EEA1: variants seen among roughly 807,000 people sequenced by gnomAD.
EEA1 encodes the protein early endosome antigen 1, 162kD.
In EEA1, 111 loss-of-function variants were observed where a neutral mutation model predicts 209.2. The observed-to-expected ratio is 0.53, with a 90% CI of 0.45 to 0.62. The LOEUF (loss-of-function observed/expected upper bound fraction) is 0.62, where lower values mean the gene tolerates loss of function less well. EEA1 is among the 20% of genes least tolerant of loss of function. EEA1 has a pLI of 0.00. For missense variants in EEA1, 1,343 were observed against 1,530.8 expected, an observed-to-expected ratio of 0.88 and a Z score of 2.05; for synonymous variants, 536 against 540.6, an observed-to-expected ratio of 0.99 and a Z score of 0.12.
At chr12:92,839,566 C>T (rs1303497646) in intron 10 of EEA1, among the ~76,000 whole-genome samples, 1 of 152,130 alleles carries the variant, frequency 6.6e-6, no homozygotes, top group Admixed American at 6.5e-5. Context: ...TTAAGCTAGA[C>T]ATTAAAGAGG....
In EEA1 at chr12:92,802,277, CTCA is replaced by C. The variant is rs1874953722; in HGVS notation, c.2670+124_2670+126del. On this transcript the variant is annotated intron_variant, in intron 19 of 28. Coordinates refer to ENST00000322349, the MANE Select transcript of EEA1 (RefSeq NM_003566.4). ...AGGTTAAGCAATCCCAATTAATTTC[CTCA>C]TAAGAACTACTTTAAACTATTTAAA... 4.7e-6 allele frequency: 4 copies of C among 852,330 alleles called. No individual in the cohort carries two copies. In the South Asian group the frequency reaches 8.8e-5, roughly 19 times the overall value. 52.8% of individuals were successfully genotyped at this position (852,330 alleles called of 1,614,324 possible). A position where few individuals can be genotyped will look rare whatever the true frequency, so the allele number is the denominator to read the frequency against.
intron 10 of EEA1, among the ~76,000 whole-genome samples, 167 bp downstream of exon 10, chr12:92,842,297 GA>G (rs1301722403): frequency 1.3e-5 from 2 of 150,434 alleles, no homozygotes; most frequent in African/African-American, 4.9e-5. Flanking sequence ...TTTGCACAAT[GA>G]AAAAAGTTCT....
intron 2 of EEA1, among the ~76,000 whole-genome samples, chr12:92,876,607 A>C (rs1878897822): frequency 6.6e-6 from 1 of 152,080 alleles, no homozygotes; most frequent in Non-Finnish European, 1.5e-5. Context: ...ATGAGAAATA[A>C]ATTTCTGCAG....
In EEA1 at chr12:92,775,629, C is replaced by T. The variant is rs560529288; in HGVS notation, c.*382G>A. 6.4e-6 allele frequency: 1 copy of T among 156,306 alleles called. No individual in the cohort carries two copies. Among genetic ancestry groups the T allele is most frequent in the African/African-American group, 2.4e-5 (1 of 41,680 alleles). The allele number at this position is 156,306 out of a possible 1,614,324, so 9.7% of individuals were successfully genotyped here. ...AACAAGTGATAATATCATCCATGTA[C>T]ATTTTTGTACATTAAATTTAGGAGA... On this transcript the variant is annotated 3_prime_UTR_variant, in exon 29 of 29. Coordinates refer to ENST00000322349, the MANE Select transcript of EEA1 (RefSeq NM_003566.4).
chr12:92,816,579 T>A (rs1875795116), intron 14 of EEA1, among the ~76,000 whole-genome samples, 179 bp from the exon 15 acceptor site: 1 of 152,192 alleles, frequency 6.6e-6, no homozygotes, highest in Non-Finnish European at 1.5e-5. Context: ...TACCAAGAAA[T>A]AACATTAAAT....
intron 10 of EEA1, among the ~76,000 whole-genome samples, chr12:92,834,356 C>A (rs920158965): frequency 6.6e-6 from 1 of 151,824 alleles, no homozygotes; most frequent in Admixed American, 6.6e-5. Context: ...CCAGCCTGGG[C>A]AATATAGCAA....
chr12:92,858,383 C>A, intron 3 of EEA1: 2 of 1,073,968 alleles, frequency 1.9e-6, no homozygotes, highest in Non-Finnish European at 2.9e-6. Flanking sequence ...GGTTTGACTA[C>A]AAGACTTGTA....
chr12:92,780,249 G>T (rs2136649191), intron 24 of EEA1, 31 bp downstream of exon 24: 1 of 1,576,328 alleles, frequency 6.3e-7, no homozygotes. Context: ...ATATAACACA[G>T]AAGGCAGGAG....
intron 2 of EEA1, among the ~76,000 whole-genome samples, chr12:92,889,422 A>G (rs1879566099): frequency 1.3e-5 from 2 of 152,070 alleles, no homozygotes; most frequent in African/African-American, 4.8e-5. Flanking sequence ...AGAGCAGGAC[A>G]AAGAGAAAGT....
chr12:92,910,202 T>A (rs1195662621), intron 1 of EEA1, among the ~76,000 whole-genome samples: 1 of 150,948 alleles, frequency 6.6e-6, no homozygotes, highest in African/African-American at 2.4e-5. Flanking sequence ...TCAGGCGCGG[T>A]GGCTCACACC....
chr12:92,891,184 T>C (rs936164332), intron 2 of EEA1, among the ~76,000 whole-genome samples: 1 of 151,998 alleles, frequency 6.6e-6, no homozygotes, highest in Non-Finnish European at 1.5e-5. Flanking sequence ...TTTAATATAA[T>C]GTATTTATAT....
intron 11 of EEA1, among the ~76,000 whole-genome samples, chr12:92,830,646 A>G (rs1370176806): frequency 6.6e-6 from 1 of 152,228 alleles, no homozygotes; most frequent in East Asian, 1.9e-4. Context: ...CACATGTAGG[A>G]AAAAACTAAA....
At position 92,775,890 on chromosome 12, in the gene EEA1, T is replaced by C. The variant is rs1592695627; in HGVS notation, c.*121A>G. On this transcript the variant is annotated 3_prime_UTR_variant, in exon 29 of 29. Transcript: ENST00000322349. The stretch of plus-strand genomic sequence containing the variant: ...CCATAACATTCCAAAATATACTAAT[T>C]CCTATTTGGTCTAGTATTGCAACCA... 2.1e-6 allele frequency: 2 copies of C among 939,806 alleles called. No homozygotes were observed. The highest frequency in any genetic ancestry group is 5.8e-5 in the East Asian group (2 of 34,394). 58.2% of individuals were successfully genotyped at this position (939,806 alleles called of 1,614,324 possible). A position where few individuals can be genotyped will look rare whatever the true frequency, so the allele number is the denominator to read the frequency against.
chr12:92,779,944 T>A (rs1873831193), intron 24 of EEA1, among the ~76,000 whole-genome samples: 1 of 152,134 alleles, frequency 6.6e-6, no homozygotes, highest in East Asian at 1.9e-4. Flanking sequence ...TCCCTTTAAA[T>A]CTTACTTCTA....
intron 6 of EEA1, among the ~76,000 whole-genome samples, chr12:92,853,295 A>C (rs1877718183): frequency 6.6e-6 from 1 of 152,184 alleles, no homozygotes. Flanking sequence ...TTGATTTCAC[A>C]TTTCACAGTT....
chr12:92,911,998 T>C (rs1880599748), intron 1 of EEA1, among the ~76,000 whole-genome samples: 1 of 152,220 alleles, frequency 6.6e-6, no homozygotes, highest in African/African-American at 2.4e-5. Flanking sequence ...GATAACCAAA[T>C]AGCCCTGGTT....
At chr12:92,793,605 C>A (rs2136660023) in intron 21 of EEA1, among the ~76,000 whole-genome samples, 1 of 152,280 alleles carries the variant, frequency 6.6e-6, no homozygotes, top group Non-Finnish European at 1.5e-5. Context: ...AGGACAGCTA[C>A]AAACTACTGC....
chr12:92,920,980 C>CA (rs1332565286), intron 1 of EEA1, among the ~76,000 whole-genome samples: 3 of 151,148 alleles, frequency 2.0e-5, no homozygotes, highest in South Asian at 4.2e-4. Flanking sequence ...TTTATGCAGC[C>CA]AAAAAACACA....
At chr12:92,823,335 A>G (rs560421649) in intron 13 of EEA1, among the ~76,000 whole-genome samples, 4 of 152,306 alleles carry the variant, frequency 2.6e-5, no homozygotes, top group Non-Finnish European at 5.9e-5. Context: ...GACTTCTTTA[A>G]GTAATCTCTA....
Sources: allele counts gnomAD v4.1 joint callset (sites outside exome capture counted in the v4.1 genomes callset), GRCh38; gene constraint gnomAD v4.1.1; transcripts MANE v1.5; gene names NCBI Gene and HGNC (gene_info 2026-07-23, HGNC 2026-07-21).